The following NKTR variants were observed in gnomAD, a reference collection of about 807,000 sequenced individuals.
NKTR encodes natural killer cell triggering receptor, also known as NK-tumor recognition protein.
In NKTR, 67 loss-of-function variants were observed where a neutral mutation model predicts 156.3. That is an observed-to-expected ratio of 0.43 (90% confidence interval 0.35 to 0.53). The LOEUF is 0.53. Ranked by LOEUF, NKTR falls within the 20% of genes least tolerant of loss-of-function variation. The probability of loss-of-function intolerance (pLI) is 0.01; values close to 1 mark genes in which losing one functional copy is unlikely to be tolerated. For missense variants in NKTR, 1,604 were observed against 1,730.9 expected, an observed-to-expected ratio of 0.93 and a Z score of 1.30; for synonymous variants, 640 against 596.6, an observed-to-expected ratio of 1.07 and a Z score of -1.06.
At chr3:42,633,830 A>G in intron 10 of NKTR, 95 bp downstream of exon 10, 1 of 1,356,026 alleles carries the variant, frequency 7.4e-7, no homozygotes, top group Non-Finnish European at 1.0e-6. Context: ...AACATGATCC[A>G]TGTTTGAAGC....
intron 15 of NKTR, chr3:42,643,698 A>C (rs1458199222): frequency 7.3e-6 from 5 of 683,984 alleles, no homozygotes; most frequent in Non-Finnish European, 1.3e-5. Flanking sequence ...CAGAAAAGAA[A>C]TTAACATTTT....
At chr3:42,608,018 TC>T (rs1706403540) in intron 2 of NKTR, among the ~76,000 whole-genome samples, 4 of 118,668 alleles carry the variant, frequency 3.4e-5, no homozygotes, top group Non-Finnish European at 5.0e-5. Context: ...TTTTTGAGTT[TC>T]CTTCTTGTCA....
intron 8 of NKTR, among the ~76,000 whole-genome samples, chr3:42,632,325 C>T (rs1163657907): frequency 6.6e-6 from 1 of 152,006 alleles, no homozygotes; most frequent in African/African-American, 2.4e-5. Flanking sequence ...CTCACCTTGG[C>T]CTCCCACAGT....
In NKTR at chr3:42,633,622, T is replaced by C. The variant is rs1199661638; in HGVS notation, c.816T>C (p.Asp272=). Residue 272 remains aspartate (D), a synonymous_variant, in exon 10 of 17, where the codon GAT becomes GAC. Coordinates refer to ENST00000232978, the MANE Select transcript of NKTR (RefSeq NM_005385.4). ...ATACCAATGAAAAAAGGTCAGTTGA[T>C]TCCAGTGCTAAAAGGGAAAAACCTG... ...RSDTNEKRSV[D]SSAKREKPVV... 8 of 1,614,056 alleles carry C rather than the reference T, an allele frequency of 5.0e-6. No individual in the cohort carries two copies. Among genetic ancestry groups the C allele is most frequent in the Non-Finnish European group, 6.8e-6 (8 of 1,180,032 alleles).
Position 42,638,895 on chromosome 3 carries a change from A to G in NKTR, c.3191A>G (p.Glu1064Gly), listed in dbSNP as rs1323145243. Residue 1064 changes from glutamate (E) to glycine (G), a missense_variant, in exon 13 of 17, where the codon GAG (glutamate) becomes GGG (glycine). Glu to Gly is a moderately conservative substitution (Grantham distance 98). Coordinates refer to ENST00000232978, the MANE Select transcript of NKTR (RefSeq NM_005385.4). ...CTAAAAACTGAGAAATCCAGTGAAG[A>G]GGACCTTTCAGGTAAACATGATACA... ...NILKTEKSSE[E>G]DLSGKHDTVT... is the part of the protein sequence containing the mutation. 6.2e-7 allele frequency: 1 copy of G among 1,612,378 alleles called. No individual in the cohort carries two copies. Among genetic ancestry groups the G allele is most frequent in the Non-Finnish European group, 8.5e-7 (1 of 1,179,126 alleles).
intron 12 of NKTR, 132 bp from the exon 13 acceptor site, chr3:42,636,736 C>T (rs1559582791): frequency 2.9e-5 from 37 of 1,294,398 alleles, no homozygotes; most frequent in Non-Finnish European, 3.6e-5. Flanking sequence ...AGGCCTATAA[C>T]TCTGATTCAC....
At chr3:42,607,166 G>A (rs950612419) in intron 2 of NKTR, among the ~76,000 whole-genome samples, 3 of 152,154 alleles carry the variant, frequency 2.0e-5, no homozygotes, top group African/African-American at 7.2e-5. Flanking sequence ...GCAGATCAGG[G>A]CTGTCCATGT....
At chr3:42,619,303 A>G in intron 4 of NKTR, 176 bp downstream of exon 4, 1 of 1,391,516 alleles carries the variant, frequency 7.2e-7, no homozygotes, top group Non-Finnish European at 9.3e-7. Flanking sequence ...GCAAAGTACC[A>G]CGTAAGACAT....
chr3:42,627,749 G>T (rs970790389), intron 6 of NKTR: 11 of 983,238 alleles, frequency 1.1e-5, no homozygotes, highest in East Asian at 1.1e-4. Flanking sequence ...GTTCTTTGTG[G>T]TTTTTTCTTT....
At chr3:42,640,985 C>A (rs1709839362) in intron 13 of NKTR, among the ~76,000 whole-genome samples, 1 of 152,226 alleles carries the variant, frequency 6.6e-6, no homozygotes, top group South Asian at 2.1e-4. Context: ...GGCCACTCTT[C>A]TCATTTACCT....
chr3:42,615,485 C>G (rs897837506), intron 2 of NKTR, among the ~76,000 whole-genome samples: 4 of 151,300 alleles, frequency 2.6e-5, no homozygotes, highest in African/African-American at 4.9e-5. Context: ...TGTTGTACTA[C>G]TGGAGGGTAC....
At chr3:42,630,103 G>GT (rs1708753924) in intron 6 of NKTR, 2 of 988,212 alleles carry the variant, frequency 2.0e-6, no homozygotes, top group African/African-American at 3.5e-5. Context: ...ACATTTAAGT[G>GT]TTTGGGGCAA....
At chr3:42,607,144 C>G (rs746730202) in intron 2 of NKTR, among the ~76,000 whole-genome samples, 4 of 152,212 alleles carry the variant, frequency 2.6e-5, no homozygotes, top group African/African-American at 4.8e-5. Flanking sequence ...TGTCACACAG[C>G]ACTCAGAATC....
chr3:42,646,279 C>G lies in NKTR; in HGVS notation c.*304C>G, dbSNP rs549254787. On this transcript the variant is annotated 3_prime_UTR_variant, in exon 17 of 17. Coordinates refer to ENST00000232978, the MANE Select transcript of NKTR (RefSeq NM_005385.4). The stretch of plus-strand genomic sequence containing the variant: ...GCAATATTATTTTAAGTCTATTTCA[C>G]TCTATCTTACGTATCCCTTAGAATA... The G allele has an allele frequency of 3.5e-6, 1 of 284,986 alleles. No homozygotes were observed. Among genetic ancestry groups the G allele is most frequent in the East Asian group, 7.8e-5 (1 of 12,902 alleles). The allele number at this position is 284,986 out of a possible 1,614,324, so 17.7% of individuals were successfully genotyped here.
intron 4 of NKTR, 199 bp from the exon 5 acceptor site, chr3:42,619,465 T>C: frequency 7.2e-7 from 1 of 1,396,814 alleles, no homozygotes; most frequent in Non-Finnish European, 9.2e-7. Context: ...TGAAGATGAC[T>C]TTTTTGATGG....
chr3:42,638,416 T>C lies in NKTR; in HGVS notation c.2712T>C (p.His904=). 3 of 1,613,810 alleles carry C rather than the reference T, an allele frequency of 1.9e-6. No individual in the cohort carries two copies. Among genetic ancestry groups the C allele is most frequent in the Non-Finnish European group, 2.5e-6 (3 of 1,179,952 alleles). ...CTAAAAACAGTAAAAATGACTCCCA[T>C]CCATCCTCTGACAAGGAAGAAGGTG... ...DVTKNSKNDS[H]PSSDKEEGEA... Residue 904 remains histidine, a synonymous_variant, in exon 13 of 17, where the codon CAT becomes CAC. Transcript: ENST00000232978.
chr3:42,638,605 G>A lies in NKTR; in HGVS notation c.2901G>A (p.Ser967=), dbSNP rs781731899. Residue 967 remains serine (S), a synonymous_variant, in exon 13 of 17, where the codon TCG becomes TCA. Transcript: ENST00000232978. Reference sequence around the variant, plus strand: ...ACTCTGAGGGGTCCTGTTCCAATTCGGAAAACAATAGGGGAAAGCCACAAA... The same window carrying A: ...ACTCTGAGGGGTCCTGTTCCAATTCAGAAAACAATAGGGGAAAGCCACAAA... The part of the protein sequence containing the change: ...TSDSEGSCSN[S]ENNRGKPQKH... The A allele has an allele frequency of 3.7e-6, 6 of 1,613,686 alleles. No homozygotes were observed. Among genetic ancestry groups the A allele is most frequent in the South Asian group, 1.1e-5 (1 of 91,002 alleles).
At chr3:42,643,303 C>G in intron 14 of NKTR, 36 bp from the exon 15 acceptor site, 3 of 1,592,432 alleles carry the variant, frequency 1.9e-6, no homozygotes, top group Non-Finnish European at 2.6e-6. Context: ...CTGCCCTGAT[C>G]TATAAGATGA....
chr3:42,609,139 A>AAAAAG (rs1553656426), intron 2 of NKTR, among the ~76,000 whole-genome samples: 1 of 151,424 alleles, frequency 6.6e-6, no homozygotes, highest in South Asian at 2.1e-4. Flanking sequence ...AAAAAAAAAA[A>AAAAAG]AAGAAGAAAG....
Sources: gnomAD v4.1 joint callset for allele counts (sites outside exome capture counted in the v4.1 genomes callset) on GRCh38, gnomAD v4.1.1 for gene constraint, MANE v1.5 for transcripts, NCBI Gene and HGNC (gene_info 2026-07-23, HGNC 2026-07-21) for gene names.